Variants in PCDHGA2 observed in about 807,000 individuals in gnomAD.
PCDHGA2 encodes the protein protocadherin gamma-A2.
PCDHGA2 carries 40 observed loss-of-function variants against 59.2 expected under a neutral mutation model. The ratio of observed to expected loss-of-function variants is 0.68; its 90% CI spans 0.52 to 0.88. The LOEUF is 0.88. Ranked by LOEUF, PCDHGA2 falls within the 40% of genes least tolerant of loss-of-function variation. The probability of loss-of-function intolerance (pLI) is 0.00; values close to 1 mark genes in which losing one functional copy is unlikely to be tolerated. For synonymous variants in PCDHGA2, 560 were observed against 526.0 expected (o/e 1.06, Z -0.89); for missense variants, 1,226 against 1,204.0 (o/e 1.02, Z -0.27).
chr5:141,375,862 G>A (rs759161440), intron 1 of PCDHGA2: 2 of 1,613,976 alleles, frequency 1.2e-6, no homozygotes, highest in Admixed American at 1.7e-5. Context: ...AGGTGGTGGC[G>A]GTGGACAGAG....
At chr5:141,421,770 G>T in intron 1 of PCDHGA2, 6 of 1,613,856 alleles carry the variant, frequency 3.7e-6, no homozygotes, top group East Asian at 2.2e-5. Context: ...ACTTTTCCTT[G>T]CAACTGCGGG....
At chr5:141,356,203 G>T in intron 1 of PCDHGA2, 1 of 1,607,564 alleles carries the variant, frequency 6.2e-7, no homozygotes, top group Non-Finnish European at 8.5e-7. Context: ...CAAGGTACTG[G>T]TGACAGTTCT....
intron 1 of PCDHGA2, chr5:141,352,641 T>C: frequency 6.2e-7 from 1 of 1,608,010 alleles, no homozygotes; most frequent in Non-Finnish European, 8.5e-7. Flanking sequence ...GATCACAAAA[T>C]CGCTTATGAC....
In PCDHGA2 at chr5:141,379,822, T is replaced by C. The variant is rs186939729; in HGVS notation, c.2424+38427T>C. ...GGTTTTGAGAGTTCAGTATAGAATT[T>C]TGAAGCATCAGGAAAAAAAACTACC... On this transcript the variant is annotated intron_variant, in intron 1 of 3. Transcript: ENST00000394576. Among the ~76,000 whole-genome samples, 5 of 150,884 alleles carry C rather than the reference T, an allele frequency of 3.3e-5. No individual in the cohort carries two copies. In the East Asian group the frequency reaches 9.7e-4, roughly 29 times the overall value.
chr5:141,388,774 G>T, intron 1 of PCDHGA2: 1 of 1,613,878 alleles, frequency 6.2e-7, no homozygotes, highest in Non-Finnish European at 8.5e-7. Context: ...TCTAACACCG[G>T]GGAAATTACT....
chr5:141,493,330 A>G lies in PCDHGA2; in HGVS notation c.2425-1477A>G, dbSNP rs979607147. 6.6e-6 allele frequency among the ~76,000 whole-genome samples: 1 copy of G among 152,182 alleles called. No homozygotes were observed. Among genetic ancestry groups the G allele is most frequent in the Non-Finnish European group, 1.5e-5 (1 of 68,020 alleles). On this transcript the variant is annotated intron_variant, in intron 1 of 3. Coordinates refer to ENST00000394576, the MANE Select transcript of PCDHGA2 (RefSeq NM_018915.4). The surrounding 1 kb of genome is among the most constrained non-coding windows in gnomAD (Gnocchi z 4.3). ...GTAAGAGAGATTCTAACCCCTGTCT[A>G]ACTCCAGAATGTGTGCTTTTAATTT... is the stretch of plus-strand genomic sequence containing the variant.
At chr5:141,376,756 G>A (rs1049941497) in intron 1 of PCDHGA2, 9 of 448,098 alleles carry the variant, frequency 2.0e-5, no homozygotes, top group African/African-American at 1.7e-4. Context: ...GCGCAATCTC[G>A]GCTCACTGCA....
intron 1 of PCDHGA2, chr5:141,395,099 C>T: frequency 6.2e-7 from 1 of 1,614,228 alleles, no homozygotes; most frequent in Non-Finnish European, 8.5e-7. Flanking sequence ...TCACCGCCGA[C>T]TCGCGGAAGA....
At chr5:141,458,130 C>A (rs1441742986) in intron 1 of PCDHGA2, among the ~76,000 whole-genome samples, 2 of 152,248 alleles carry the variant, frequency 1.3e-5, no homozygotes, top group African/African-American at 4.8e-5. Flanking sequence ...AGGAACCAGG[C>A]AGAGAAAAAT....
At chr5:141,378,751 G>T (rs72790019) in intron 1 of PCDHGA2, 22 of 152,014 alleles carry the variant, frequency 1.4e-4, no homozygotes, top group Non-Finnish European at 5.9e-5. Flanking sequence ...AAGAAAAAAG[G>T]GATTATCATT....
chr5:141,397,953 C>A, intron 1 of PCDHGA2: 2 of 962,110 alleles, frequency 2.1e-6, no homozygotes. Flanking sequence ...CAGGGCAGCC[C>A]CAGCTCAGAC....
chr5:141,431,320 C>T lies in PCDHGA2; in HGVS notation c.2425-63487C>T. On this transcript the variant is annotated intron_variant, in intron 1 of 3. Coordinates refer to ENST00000394576, the MANE Select transcript of PCDHGA2 (RefSeq NM_018915.4). The surrounding 1 kb of genome is among the most constrained non-coding windows in gnomAD (Gnocchi z 4.8). ...CCCTCATCGTGCAAAATGGAGCCGA[C>T]GGTAGTAAGTACCCCGAATTGGTGC... is the stretch of plus-strand genomic sequence containing the variant. 1 of 1,614,102 alleles carries T rather than the reference C, an allele frequency of 6.2e-7. No homozygotes were observed. Among genetic ancestry groups the T allele is most frequent in the Non-Finnish European group, 8.5e-7 (1 of 1,180,038 alleles).
chr5:141,351,405 C>A, intron 1 of PCDHGA2: 1 of 1,611,372 alleles, frequency 6.2e-7, no homozygotes, highest in Non-Finnish European at 8.5e-7. Flanking sequence ...ACATGCTATA[C>A]TCAGGAAGAA....
chr5:141,352,487 A>T, intron 1 of PCDHGA2: 1 of 1,613,940 alleles, frequency 6.2e-7, no homozygotes, highest in Non-Finnish European at 8.5e-7. Context: ...CAGCGAGGGG[A>T]CTTTGCCCTA....
chr5:141,393,272 A>G, intron 1 of PCDHGA2: 1 of 1,613,892 alleles, frequency 6.2e-7, no homozygotes, highest in Non-Finnish European at 8.5e-7. Context: ...CACGTTATCC[A>G]CTCCCAGAAG....
At position 141,489,599 on chromosome 5, in the gene PCDHGA2, A is replaced by T; in HGVS notation, c.2425-5208A>T. The T allele has an allele frequency of 6.2e-7, 1 of 1,614,020 alleles. No homozygotes were observed. The highest frequency in any genetic ancestry group is 8.5e-7 in the Non-Finnish European group (1 of 1,179,970). On this transcript the variant is annotated intron_variant, in intron 1 of 3. Coordinates refer to ENST00000394576, the MANE Select transcript of PCDHGA2 (RefSeq NM_018915.4). This position sits in a 1 kb window ranked among gnomAD's most constrained non-coding sequence, Gnocchi z 4.5. ...CACCCCCTGGAGCTAATCCGTGTAGAGGTAGAGATCCTGGATCTCAATGAC... is the reference window on the plus strand; with the variant it reads ...CACCCCCTGGAGCTAATCCGTGTAGTGGTAGAGATCCTGGATCTCAATGAC...
chr5:141,421,374 C>G, intron 1 of PCDHGA2: 1 of 1,614,062 alleles, frequency 6.2e-7, no homozygotes, highest in Non-Finnish European at 8.5e-7. Context: ...TGGGCAATAT[C>G]TCCAAGGACC....
At chr5:141,506,172 TG>T (rs2099850913) in intron 3 of PCDHGA2, among the ~76,000 whole-genome samples, 1 of 152,128 alleles carries the variant, frequency 6.6e-6, no homozygotes, top group South Asian at 2.1e-4. Flanking sequence ...CAGCCTAAGC[TG>T]GGCGTGGTGG....
intron 1 of PCDHGA2, chr5:141,390,010 T>C: frequency 6.2e-7 from 1 of 1,614,044 alleles, no homozygotes; most frequent in East Asian, 2.2e-5. Context: ...ATTCTGGCCA[T>C]TGCCTTGCGC....
Sources: allele counts gnomAD v4.1 joint callset (sites outside exome capture counted in the v4.1 genomes callset), GRCh38; gene constraint gnomAD v4.1.1; non-coding constraint Gnocchi (gnomAD v3.1); transcripts MANE v1.5; gene names NCBI Gene and HGNC (gene_info 2026-07-23, HGNC 2026-07-21).